The following CNTN5 variants were observed in gnomAD, a reference collection of about 807,000 sequenced individuals.
CNTN5 encodes the protein contactin-5.
Under a neutral mutation model 129.1 loss-of-function variants are expected in CNTN5, and 77 were observed. That is an observed-to-expected ratio of 0.60 (90% CI 0.50 to 0.72). CNTN5 has a LOEUF of 0.72. CNTN5 is among the 30% of genes least tolerant of loss of function. The pLI, the probability that CNTN5 is intolerant of heterozygous loss-of-function variation, is 0.00. For missense variants in CNTN5, 1,478 were observed against 1,328.8 expected (o/e 1.11, Z -1.75); for synonymous variants, 509 against 465.6 (o/e 1.09, Z -1.20).
At chr11:99,355,537 T>C (rs1412671410) in intron 2 of CNTN5, among the ~76,000 whole-genome samples, 1 of 152,092 alleles carries the variant, frequency 6.6e-6, no homozygotes, top group African/African-American at 2.4e-5. Context: ...TCTTTCTCTT[T>C]GACACACACC....
At chr11:99,213,979 ATG>A (rs1351437339) in intron 1 of CNTN5, among the ~76,000 whole-genome samples, 2 of 152,182 alleles carry the variant, frequency 1.3e-5, no homozygotes, top group Non-Finnish European at 2.9e-5. Flanking sequence ...GAATCATACT[ATG>A]TGTCATTTTC....
At position 99,819,586 on chromosome 11, in the gene CNTN5, CT is replaced by C. The variant is rs768279431; in HGVS notation, c.101del (p.Leu34CysfsTer2). 3.7e-6 allele frequency: 6 copies of C among 1,612,860 alleles called. No individual in the cohort carries two copies. The Admixed American group carries it at 5.0e-5, about 13-fold the overall frequency. The stretch of plus-strand genomic sequence containing the variant: ...CCTGGTCTCTCCACTTCATATGCTG[CT>C]TTGTTAAGAATTAAGAAGAGTTCAT... ...SLPGLSTSYA[A>X]LLRIKKSSSS... is the part of the protein sequence containing the mutation. On this transcript the variant is annotated frameshift_variant, in exon 4 of 25. Coordinates refer to ENST00000524871, the MANE Select transcript of CNTN5 (RefSeq NM_014361.4). LOFTEE classifies it high-confidence loss of function.
intron 1 of CNTN5, among the ~76,000 whole-genome samples, chr11:99,183,719 C>T (rs1307507147): frequency 1.3e-5 from 2 of 151,994 alleles, no homozygotes; most frequent in South Asian, 2.1e-4. Context: ...GGTTTAATGG[C>T]CCACCAATAT....
chr11:99,897,626 T>C (rs1380366219), intron 6 of CNTN5, among the ~76,000 whole-genome samples: 3 of 152,136 alleles, frequency 2.0e-5, no homozygotes, highest in African/African-American at 4.8e-5. Context: ...AGACCAGTCC[T>C]ACAAGAAATG....
intron 1 of CNTN5, among the ~76,000 whole-genome samples, chr11:99,080,513 A>T (rs971467570): frequency 7.9e-5 from 12 of 152,120 alleles, no homozygotes; most frequent in African/African-American, 2.9e-4. Context: ...AGCTACAAAC[A>T]CCATCCTATC....
At chr11:99,698,151 C>T (rs11221012) in intron 3 of CNTN5, among the ~76,000 whole-genome samples, 14,805 of 150,450 alleles carry the variant, frequency 0.098, 1,000 homozygotes, top group South Asian at 0.28. Context: ...ACCAAAATCT[C>T]GGAGTTTTCC....
intron 23 of CNTN5, among the ~76,000 whole-genome samples, chr11:100,343,035 C>T (rs1056950873): frequency 6.6e-6 from 1 of 152,104 alleles, no homozygotes; most frequent in African/African-American, 2.4e-5. Context: ...AAAATGTTCT[C>T]ATTAAAAAAC....
chr11:99,510,255 G>T (rs1946784677), intron 2 of CNTN5, among the ~76,000 whole-genome samples: 1 of 152,142 alleles, frequency 6.6e-6, no homozygotes, highest in Non-Finnish European at 1.5e-5. Context: ...GAAACAATGA[G>T]ACCTTTGTTA....
intron 3 of CNTN5, among the ~76,000 whole-genome samples, chr11:99,670,784 C>G (rs1173876172): frequency 1.3e-5 from 2 of 152,118 alleles, no homozygotes; most frequent in African/African-American, 2.4e-5. Flanking sequence ...TGCATCTTAT[C>G]CATGCTGCCA....
chr11:99,761,029 C>T (rs1383454135), intron 3 of CNTN5, among the ~76,000 whole-genome samples: 1 of 152,044 alleles, frequency 6.6e-6, no homozygotes, highest in African/African-American at 2.4e-5. Flanking sequence ...TAATAGGGAA[C>T]TGTACTGGGG....
At chr11:99,415,449 C>T (rs1322813976) in intron 2 of CNTN5, among the ~76,000 whole-genome samples, 3 of 152,138 alleles carry the variant, frequency 2.0e-5, no homozygotes, top group Admixed American at 6.5e-5. Flanking sequence ...GGCAGGGCCT[C>T]TCTGGAATGT....
chr11:99,082,637 T>G (rs7120011), intron 1 of CNTN5, among the ~76,000 whole-genome samples: 20,908 of 152,100 alleles, frequency 0.14, 2,570 homozygotes, highest in East Asian at 0.43. Flanking sequence ...GGCCTGTGAG[T>G]TTAGGTTTGC....
intron 2 of CNTN5, among the ~76,000 whole-genome samples, chr11:99,498,902 A>G (rs1321996313): frequency 2.0e-5 from 3 of 152,204 alleles, no homozygotes; most frequent in Admixed American, 6.5e-5. Flanking sequence ...GATGAAACTG[A>G]CACAACTGAG....
chr11:99,062,339 T>A (rs1356207089), intron 1 of CNTN5, among the ~76,000 whole-genome samples: 4 of 152,132 alleles, frequency 2.6e-5, no homozygotes, highest in Non-Finnish European at 5.9e-5. Context: ...TACCAGTCTT[T>A]TAGATATAGC....
intron 3 of CNTN5, among the ~76,000 whole-genome samples, chr11:99,694,285 A>G (rs555847271): frequency 6.6e-6 from 1 of 152,260 alleles, no homozygotes; most frequent in African/African-American, 2.4e-5. Flanking sequence ...GTGAGTAGGC[A>G]TTGGAACTCA....
At chr11:99,990,361 C>G (rs978578390) in intron 8 of CNTN5, among the ~76,000 whole-genome samples, 3 of 150,938 alleles carry the variant, frequency 2.0e-5, no homozygotes, top group Non-Finnish European at 2.9e-5. Context: ...ATTGGCTTCC[C>G]TTATTTTTAG....
intron 3 of CNTN5, among the ~76,000 whole-genome samples, chr11:99,796,339 C>T (rs1300761492): frequency 6.6e-6 from 1 of 152,010 alleles, no homozygotes; most frequent in African/African-American, 2.4e-5. Flanking sequence ...CACACATGTA[C>T]ATCCATTGGG....
At chr11:99,888,163 C>G (rs997343613) in intron 6 of CNTN5, among the ~76,000 whole-genome samples, 2 of 152,214 alleles carry the variant, frequency 1.3e-5, no homozygotes, top group Admixed American at 1.3e-4. Context: ...TTATATGTTA[C>G]GAATCATTAT....
chr11:99,069,388 A>G (rs755440805), intron 1 of CNTN5, among the ~76,000 whole-genome samples: 2 of 152,160 alleles, frequency 1.3e-5, no homozygotes, highest in Non-Finnish European at 2.9e-5. Context: ...GAGAGTTTGT[A>G]AATCAAGGTA....
Sources: allele counts gnomAD v4.1 joint callset (sites outside exome capture counted in the v4.1 genomes callset), GRCh38; gene constraint gnomAD v4.1.1; transcripts MANE v1.5; gene names NCBI Gene and HGNC (gene_info 2026-07-23, HGNC 2026-07-21).